Variants in PPP1R12B observed in about 807,000 individuals in gnomAD.
PPP1R12B encodes the protein myosin phosphatase target subunit 2.
Under a neutral mutation model 126.1 loss-of-function variants are expected in PPP1R12B, and 76 were observed. The ratio of observed to expected loss-of-function variants is 0.60; its 90% CI spans 0.50 to 0.73. PPP1R12B has a LOEUF of 0.73. Among genes scored for constraint, PPP1R12B ranks in the 30% least tolerant of loss-of-function variants. The probability of loss-of-function intolerance (pLI) is 0.00; values close to 1 mark genes in which losing one functional copy is unlikely to be tolerated. For missense variants in PPP1R12B, 1,052 were observed against 1,205.1 expected (o/e 0.87, Z 1.88); for synonymous variants, 356 against 434.7 (o/e 0.82, Z 2.25).
At chr1:202,392,157 CAT>C (rs570402955) in intron 1 of PPP1R12B, among the ~76,000 whole-genome samples, 140 of 151,748 alleles carry the variant, frequency 9.2e-4, no homozygotes, top group African/African-American at 3.0e-3. Flanking sequence ...TAAATGAAAA[CAT>C]GTGTCCATAC....
rs1231850298 is a variant in PPP1R12B, at chr1:202,431,530, A to T, written c.1052A>T (p.Glu351Val). 1.2e-6 allele frequency: 2 copies of T among 1,613,518 alleles called. No homozygotes were observed. The highest frequency in any genetic ancestry group is 2.2e-5 in the East Asian group (1 of 44,858). The change falls in exon 8 of 24, where the codon GAG (glutamate) becomes GTG (valine). Residue 351 changes from glutamate (E) to valine (V), a missense_variant. By Grantham distance (121) the Glu-to-Val change is moderately radical. Coordinates refer to ENST00000608999, the MANE Select transcript of PPP1R12B (RefSeq NM_002481.4). ...GAGACACCTAAGTCCCAAGAAATGG[A>T]GGAAGAAAATAAAGAATCTAGTAGC... ...EEETPKSQEM[E>V]EENKESSSSS... is the part of the protein sequence containing the mutation.
At chr1:202,579,361 G>A (rs767296034) in intron 23 of PPP1R12B, among the ~76,000 whole-genome samples, 1 of 152,134 alleles carries the variant, frequency 6.6e-6, no homozygotes. Flanking sequence ...TGCCCCTGGG[G>A]TCCTATAGGT....
intron 13 of PPP1R12B, chr1:202,471,724 A>G: frequency 1.9e-6 from 1 of 535,128 alleles, no homozygotes; most frequent in Non-Finnish European, 3.1e-6. Context: ...TTTTTTGTGA[A>G]TTCCTGATTA....
intron 1 of PPP1R12B, among the ~76,000 whole-genome samples, chr1:202,406,732 T>C (rs1666650192): frequency 6.6e-6 from 1 of 152,218 alleles, no homozygotes. Flanking sequence ...ATAATAGACT[T>C]TTTCTAAGGA....
At chr1:202,459,414 G>A (rs895597086) in intron 13 of PPP1R12B, among the ~76,000 whole-genome samples, 1 of 152,138 alleles carries the variant, frequency 6.6e-6, no homozygotes, top group African/African-American at 2.4e-5. Flanking sequence ...AAATATAATA[G>A]AGATTCAAGG....
Position 202,349,088 on chromosome 1 carries a change from A to G in PPP1R12B, c.237A>G (p.Ala79=), listed in dbSNP as rs1310669648. The G allele has an allele frequency of 6.2e-7, 1 of 1,614,132 alleles. No individual in the cohort carries two copies. The highest frequency in any genetic ancestry group is 2.2e-5 in the East Asian group (1 of 44,874). ...GDTDEVRKLL[A]RGADINTVNV... is the part of the protein sequence containing the mutation. ...CCGACGAGGTGAGAAAGCTTCTGGC[A>G]AGAGGTGCTGATATCAACACGGTCA... The change falls in exon 1 of 24, where the codon GCA becomes GCG. Residue 79 remains alanine, a synonymous_variant. Transcript: ENST00000608999.
At chr1:202,547,594 T>G (rs1392377762) in intron 18 of PPP1R12B, among the ~76,000 whole-genome samples, 2 of 152,226 alleles carry the variant, frequency 1.3e-5, no homozygotes, top group Non-Finnish European at 2.9e-5. Context: ...GTATGAAAAG[T>G]TAAATATTCT....
At chr1:202,352,195 T>C (rs1031585623) in intron 1 of PPP1R12B, among the ~76,000 whole-genome samples, 2 of 152,228 alleles carry the variant, frequency 1.3e-5, no homozygotes, top group African/African-American at 2.4e-5. Context: ...CATTTGCGTA[T>C]ACACATTGTA....
chr1:202,470,416 G>A (rs905586416), intron 13 of PPP1R12B, among the ~76,000 whole-genome samples: 1 of 152,006 alleles, frequency 6.6e-6, no homozygotes, highest in African/African-American at 2.4e-5. Context: ...AAATATGAAT[G>A]ATCATTTTTC....
intron 1 of PPP1R12B, among the ~76,000 whole-genome samples, chr1:202,405,678 C>T (rs933848576): frequency 6.6e-6 from 1 of 152,124 alleles, no homozygotes; most frequent in Non-Finnish European, 1.5e-5. Context: ...AATAACTCGT[C>T]CCAAGAACAC....
chr1:202,481,187 G>C (rs1043248075), intron 13 of PPP1R12B, among the ~76,000 whole-genome samples: 1 of 152,200 alleles, frequency 6.6e-6, no homozygotes, highest in Non-Finnish European at 1.5e-5. Flanking sequence ...ACCTCCTGCT[G>C]TACAGCGTGG....
Position 202,442,502 on chromosome 1 carries a change from G to C in PPP1R12B, c.1597G>C (p.Asp533His). 1.9e-6 allele frequency: 3 copies of C among 1,613,836 alleles called. No individual in the cohort carries two copies. The East Asian group carries it at 6.7e-5, about 36-fold the overall frequency. ...SGSYTRQLWR[D>H]EAKGNEIPQT... ...CTCCTATACCCGGCAGCTATGGAGG[G>C]ATGAAGCAAAAGGAAATGAAATCCC... Residue 533 changes from aspartate to histidine, a missense_variant, in exon 12 of 24, where the codon GAT becomes CAT. By Grantham distance (81) the Asp-to-His change is moderately conservative (BLOSUM62 -1). Transcript: ENST00000608999.
intron 18 of PPP1R12B, among the ~76,000 whole-genome samples, chr1:202,528,310 A>T (rs1274542866): frequency 1.3e-5 from 2 of 152,206 alleles, no homozygotes; most frequent in East Asian, 3.8e-4. Flanking sequence ...TGCCTGGGGC[A>T]CTCATCTGTT....
chr1:202,351,254 A>C (rs928314732), intron 1 of PPP1R12B, among the ~76,000 whole-genome samples: 9 of 151,868 alleles, frequency 5.9e-5, no homozygotes, highest in Admixed American at 1.3e-4. Context: ...AAAAAAAAAA[A>C]AACAGTGTCT....
intron 12 of PPP1R12B, among the ~76,000 whole-genome samples, chr1:202,446,256 A>ATTTTTTTTTTTT (rs71142531): frequency 1.8e-5 from 1 of 54,340 alleles, no homozygotes; most frequent in African/African-American, 7.1e-5. Context: ...ATATATATAT[A>ATTTTTTTTTTTT]TTTTTTTTTT....
chr1:202,557,804 A>G (rs1687113601), intron 18 of PPP1R12B, among the ~76,000 whole-genome samples: 1 of 152,204 alleles, frequency 6.6e-6, no homozygotes, highest in Non-Finnish European at 1.5e-5. Flanking sequence ...AGGAAATGTC[A>G]TCGTTTATCA....
chr1:202,572,913 T>G (rs772637559), intron 23 of PPP1R12B, among the ~76,000 whole-genome samples: 1 of 152,208 alleles, frequency 6.6e-6, no homozygotes, highest in Non-Finnish European at 1.5e-5. Context: ...TATAGAACAT[T>G]GACCAGATTG....
chr1:202,405,372 A>G (rs564858204), intron 1 of PPP1R12B, among the ~76,000 whole-genome samples: 2 of 152,332 alleles, frequency 1.3e-5, no homozygotes, highest in Admixed American at 6.5e-5. Flanking sequence ...GTTTACATGT[A>G]CAGGAACTTA....
chr1:202,356,343 A>G (rs958454508), intron 1 of PPP1R12B, among the ~76,000 whole-genome samples: 3 of 152,108 alleles, frequency 2.0e-5, no homozygotes, highest in African/African-American at 4.8e-5. Flanking sequence ...TGAAAGAGGA[A>G]AGGGAGAAAA....
Sources: allele counts gnomAD v4.1 joint callset (sites outside exome capture counted in the v4.1 genomes callset), GRCh38; gene constraint gnomAD v4.1.1; transcripts MANE v1.5; gene names NCBI Gene and HGNC (gene_info 2026-07-23, HGNC 2026-07-21).